The following UTP18 variants were observed in gnomAD, a reference collection of about 807,000 sequenced individuals.
UTP18 encodes UTP18 small subunit processome component.
Under a neutral mutation model 61.1 loss-of-function variants are expected in UTP18, and 36 were observed. The observed-to-expected ratio is 0.59, with a 90% confidence interval of 0.45 to 0.78. The LOEUF is 0.78. Ranked by LOEUF, UTP18 falls within the 30% of genes least tolerant of loss-of-function variation. The pLI is 0.00. For missense variants in UTP18, 753 were observed against 693.9 expected, an observed-to-expected ratio of 1.09 and a Z score of -0.96; for synonymous variants, 282 against 251.1, an observed-to-expected ratio of 1.12 and a Z score of -1.16.
chr17:51,263,497 A>G (rs1568263316), intron 2 of UTP18, 111 bp downstream of exon 2: 3 of 848,468 alleles, frequency 3.5e-6, no homozygotes, highest in East Asian at 5.4e-5. Flanking sequence ...GATTTGAAAA[A>G]TATTTGAAAG....
At chr17:51,278,668 G>C (rs960622447) in intron 7 of UTP18, among the ~76,000 whole-genome samples, 1 of 152,196 alleles carries the variant, frequency 6.6e-6, no homozygotes, top group African/African-American at 2.4e-5. Flanking sequence ...GGTGTTTCCA[G>C]TTGTAGCTTC....
rs1420917467 is a variant in UTP18, at chr17:51,288,177, G to GA, written c.1483dup (p.Met495AsnfsTer23). 6.3e-7 allele frequency: 1 copy of GA among 1,590,464 alleles called. No homozygotes were observed. The highest frequency in any genetic ancestry group is 1.4e-5 in the African/African-American group (1 of 73,326). Reference sequence around the variant, plus strand: ...TACAGAAATCTTGGCAATTGCTTCAGAAAAAATGAAAGAAGCAGTCAGATT... The same window carrying GA: ...TACAGAAATCTTGGCAATTGCTTCAGAAAAAAATGAAAGAAGCAGTCAGATT... On this transcript the variant is annotated frameshift_variant, in exon 11 of 14. Coordinates refer to ENST00000225298, the MANE Select transcript of UTP18 (RefSeq NM_016001.3). LOFTEE classifies it high-confidence loss of function.
At chr17:51,274,966 G>A (rs1156894428) in intron 5 of UTP18, among the ~76,000 whole-genome samples, 1 of 151,824 alleles carries the variant, frequency 6.6e-6, no homozygotes, top group Non-Finnish European at 1.5e-5. Flanking sequence ...GGGAGGCCGA[G>A]GCGGGCAGAT....
At chr17:51,269,565 A>G (rs1904443558) in intron 4 of UTP18, among the ~76,000 whole-genome samples, 1 of 152,096 alleles carries the variant, frequency 6.6e-6, no homozygotes. Flanking sequence ...TCATGTCCGT[A>G]GAGCTTCAGT....
rs769984355 is a variant in UTP18 at position 51,293,860 on chromosome 17, C to T, written c.1504-43C>T. On this transcript the variant is annotated intron_variant, in intron 11 of 13. Coordinates refer to ENST00000225298, the MANE Select transcript of UTP18 (RefSeq NM_016001.3). ...AAGATTACAATTTAAGAAACATGAGCTCCCAGTTGTTACACTTTAAAGTTT... is the reference window on the plus strand; with the variant it reads ...AAGATTACAATTTAAGAAACATGAGTTCCCAGTTGTTACACTTTAAAGTTT... The T allele has an allele frequency of 4.2e-6, 6 of 1,435,028 alleles. No individual in the cohort carries two copies. In the Admixed American group the frequency reaches 1.5e-4, roughly 36 times the overall value. 88.9% of individuals were successfully genotyped at this position (1,435,028 alleles called of 1,614,324 possible).
chr17:51,266,428 T>C (rs2055562034), intron 3 of UTP18, 148 bp downstream of exon 3: 1 of 509,350 alleles, frequency 2.0e-6, no homozygotes, highest in East Asian at 3.8e-5. Context: ...GTAGTTTTTT[T>C]TAGGGGAGAG....
At chr17:51,297,140 G>A (rs1378377874) in intron 13 of UTP18, 137 bp downstream of exon 13, 11 of 717,450 alleles carry the variant, frequency 1.5e-5, no homozygotes, top group Non-Finnish European at 2.4e-5. Context: ...GGGGTGGGTT[G>A]GAAGTAGATC....
intron 5 of UTP18, among the ~76,000 whole-genome samples, chr17:51,274,065 A>G (rs941676937): frequency 6.6e-6 from 1 of 152,186 alleles, no homozygotes; most frequent in Non-Finnish European, 1.5e-5. Context: ...CCTTAGCCTC[A>G]TATCAGACCT....
At chr17:51,268,798 T>G in intron 3 of UTP18, 39 bp from the exon 4 acceptor site, 2 of 1,542,918 alleles carry the variant, frequency 1.3e-6, no homozygotes, top group Non-Finnish European at 1.8e-6. Context: ...GGACATGTAG[T>G]GGTTGCCATA....
chr17:51,288,052 T>C lies in UTP18; in HGVS notation c.1352T>C (p.Ile451Thr), dbSNP rs781498730. Residue 451 changes from isoleucine to threonine, a missense_variant, in exon 11 of 14, where the codon ATA (isoleucine) becomes ACA (threonine). Physicochemically the swap from Ile to Thr is moderately conservative, Grantham distance 89. Transcript: ENST00000225298. ...ACGSNCGVVN[I>T]YNQDSCLQET... ...AGTTCTAATTGTGGAGTGGTAAATA[T>C]ATACAATCAAGATTCTTGTCTCCAA... The C allele has an allele frequency of 8.8e-6, 14 of 1,593,890 alleles. No homozygotes were observed. The highest frequency in any genetic ancestry group is 6.8e-5 in the East Asian group (3 of 44,424).
At chr17:51,273,141 C>T (rs925388741) in intron 4 of UTP18, among the ~76,000 whole-genome samples, 2 of 151,312 alleles carry the variant, frequency 1.3e-5, no homozygotes, top group Non-Finnish European at 2.9e-5. Context: ...TTGATTTTAA[C>T]TATGGATGTT....
At chr17:51,263,997 G>T (rs568918516) in intron 2 of UTP18, among the ~76,000 whole-genome samples, 7 of 150,548 alleles carry the variant, frequency 4.6e-5, no homozygotes, top group African/African-American at 1.7e-4. Flanking sequence ...CATAATTTAC[G>T]TGGCTATTGT....
chr17:51,274,014 G>A (rs934771701), intron 5 of UTP18, among the ~76,000 whole-genome samples: 4 of 152,110 alleles, frequency 2.6e-5, no homozygotes, highest in Admixed American at 6.5e-5. Context: ...ATTCCTTATC[G>A]TATTCTACAC....
intron 4 of UTP18, among the ~76,000 whole-genome samples, chr17:51,269,838 ATTGTGTGTGTGTGTGT>A (rs1904452819): frequency 8.7e-6 from 1 of 115,212 alleles, no homozygotes; most frequent in South Asian, 3.4e-4. Flanking sequence ...CAAATAATGT[ATTGTGTGTGTGTGTGT>A]GTGTGTGTGT....
intron 10 of UTP18, chr17:51,286,505 G>A (rs902590637): frequency 4.4e-6 from 2 of 456,196 alleles, no homozygotes; most frequent in Non-Finnish European, 4.4e-6. Context: ...GAAACTGCTT[G>A]TATATATATC....
At chr17:51,291,738 C>CAAAAAA (rs373296052) in intron 11 of UTP18, among the ~76,000 whole-genome samples, 2 of 97,016 alleles carry the variant, frequency 2.1e-5, no homozygotes, top group Non-Finnish European at 4.8e-5. Context: ...GACTTGATCT[C>CAAAAAA]AAAAAAAAAA....
intron 12 of UTP18, 163 bp from the exon 13 acceptor site, chr17:51,296,802 C>T (rs1273301810): frequency 1.7e-6 from 1 of 605,500 alleles, no homozygotes; most frequent in South Asian, 2.3e-5. Flanking sequence ...TCAGATCCTC[C>T]AGAATGTCAG....
At chr17:51,275,602 C>G (rs1230311315) in intron 5 of UTP18, among the ~76,000 whole-genome samples, 1 of 152,102 alleles carries the variant, frequency 6.6e-6, no homozygotes, top group African/African-American at 2.4e-5. Context: ...ATTCAGACTT[C>G]TAGATATGGA....
At chr17:51,288,008 T>G in intron 10 of UTP18, 21 bp from the exon 11 acceptor site, 1 of 1,542,098 alleles carries the variant, frequency 6.5e-7, no homozygotes, top group Non-Finnish European at 8.7e-7. Context: ...TTAATCTATT[T>G]TAATCCTTTT....
Sources: allele counts gnomAD v4.1 joint callset (sites outside exome capture counted in the v4.1 genomes callset), GRCh38; gene constraint gnomAD v4.1.1; transcripts MANE v1.5; gene names NCBI Gene and HGNC (gene_info 2026-07-23, HGNC 2026-07-21).